PFKFB3: variants seen among roughly 807,000 people sequenced by gnomAD.
PFKFB3 encodes the protein 6-phosphofructo-2-kinase/fructose-2,6-biphosphatase 3.
PFKFB3 carries 33 observed loss-of-function variants against 68.0 expected under a neutral mutation model. The observed-to-expected ratio is 0.49, with a 90% confidence interval of 0.37 to 0.65. The LOEUF is 0.65. Among genes scored for constraint, PFKFB3 ranks in the 30% least tolerant of loss-of-function variants. The pLI is 0.00. For missense variants in PFKFB3, 586 were observed against 712.2 expected (o/e 0.82, Z 2.02); for synonymous variants, 315 against 288.2 (o/e 1.09, Z -0.94).
intron 1 of PFKFB3, among the ~76,000 whole-genome samples, chr10:6,203,585 C>T (rs958237399): frequency 6.6e-6 from 1 of 151,710 alleles, no homozygotes; most frequent in Non-Finnish European, 1.5e-5. Context: ...TACCCCGAGA[C>T]GGAGGGACGC....
the PFKFB3 span, among the ~76,000 whole-genome samples, chr10:6,303,540 C>T: frequency 3.9e-5 from 6 of 152,028 alleles, no homozygotes; most frequent in Admixed American, 2.0e-4. Context: ...CAATGCCGGG[C>T]ACGGTGGCTC....
At chr10:6,160,471 A>G (rs1841936966) in intron 1 of PFKFB3, among the ~76,000 whole-genome samples, 1 of 152,142 alleles carries the variant, frequency 6.6e-6, no homozygotes, top group Non-Finnish European at 1.5e-5. Flanking sequence ...TAATCCCAGC[A>G]CTTTGGGAGG....
intron 14 of PFKFB3, among the ~76,000 whole-genome samples, chr10:6,227,025 G>A (rs1845407802): frequency 6.6e-6 from 1 of 152,032 alleles, no homozygotes; most frequent in Admixed American, 6.5e-5. Context: ...GGCGGAGGTT[G>A]CAGTGAGCCG....
At chr10:6,184,925 TGCCACAGGTATTGAAA>T (rs1231772722) in intron 1 of PFKFB3, among the ~76,000 whole-genome samples, 3 of 152,080 alleles carry the variant, frequency 2.0e-5, no homozygotes, top group African/African-American at 7.2e-5. Flanking sequence ...GGCTCTTACG[TGCCACAGGTATTGAAA>T]GCCACTGATC....
chr10:6,213,426 C>T (rs926721619), intron 1 of PFKFB3, among the ~76,000 whole-genome samples, 197 bp from the exon 2 acceptor site: 24 of 152,068 alleles, frequency 1.6e-4, no homozygotes, highest in East Asian at 3.9e-4. Context: ...AGGCTAAGGC[C>T]GGAGGATTGT....
chr10:6,255,679 C>T (rs536382484), downstream of PFKFB3, among the ~76,000 whole-genome samples: 12 of 152,206 alleles, frequency 7.9e-5, no homozygotes, highest in Non-Finnish European at 4.4e-5. Flanking sequence ...CCAGGGTTGT[C>T]GGCTGTGTGA....
rs1846374818 is a variant in PFKFB3, at chr10:6,251,245, AAAAGTCCCTGCATCTCCCTTAGTC to A, written c.1516-2932_1516-2909del. 2.6e-5 allele frequency among the ~76,000 whole-genome samples: 4 copies of A among 152,206 alleles called. No homozygotes were observed. The South Asian group carries it at 8.3e-4, about 32-fold the overall frequency. ...ATCTTTTTATCTCATTGAATCTTCA[AAAAGTCCCTGCATCTCCCTTAGTC>A]TGTGGCAAAACCAGCCACCCACCTG... is the stretch of plus-strand genomic sequence containing the variant. On this transcript the variant is annotated intron_variant, in intron 14 of 14. Transcript: ENST00000640683.
intron 1 of PFKFB3, chr10:6,164,065 A>C (rs1418488251): frequency 6.6e-6 from 1 of 152,340 alleles, no homozygotes; most frequent in Non-Finnish European, 1.5e-5. Flanking sequence ...TGCAGGCCGC[A>C]GATGAGGAAA....
intron 13 of PFKFB3, chr10:6,225,276 C>T: frequency 2.2e-6 from 1 of 449,630 alleles, no homozygotes; most frequent in East Asian, 7.1e-5. Flanking sequence ...GGAAGCTTGG[C>T]CTTCGGATTT....
chr10:6,273,679 T>C, the PFKFB3 span, among the ~76,000 whole-genome samples: 1 of 152,164 alleles, frequency 6.6e-6, no homozygotes, highest in East Asian at 1.9e-4. Flanking sequence ...GGCCATCAAG[T>C]TAAAATGAGG....
chr10:6,182,817 G>A (rs1842755874), intron 1 of PFKFB3, among the ~76,000 whole-genome samples: 1 of 152,236 alleles, frequency 6.6e-6, no homozygotes, highest in Non-Finnish European at 1.5e-5. Flanking sequence ...GCAGTCCAGT[G>A]TCCATGGCCA....
chr10:6,314,596 C>T, the PFKFB3 span, among the ~76,000 whole-genome samples: 1 of 152,224 alleles, frequency 6.6e-6, no homozygotes, highest in Admixed American at 6.5e-5. Flanking sequence ...TTCAACCCCC[C>T]ACTCTATTAT....
the PFKFB3 span, among the ~76,000 whole-genome samples, chr10:6,263,533 C>T: frequency 6.6e-6 from 1 of 152,238 alleles, no homozygotes; most frequent in African/African-American, 2.4e-5. Context: ...CTACTTCGCT[C>T]CTCCTGAATT....
the PFKFB3 span, among the ~76,000 whole-genome samples, chr10:6,278,072 C>A: frequency 6.6e-6 from 1 of 152,078 alleles, no homozygotes; most frequent in African/African-American, 2.4e-5. Context: ...CATGTACCAC[C>A]ACACCCACCT....
At position 6,245,476 on chromosome 10, in the gene PFKFB3, G is replaced by C. The variant is rs556879039; in HGVS notation, c.1516-8702G>C. ...CTGTCGCCCAGGCTGGAGTGCAGTG[G>C]TGCGATCAGGGCTCACTGCAGTCTC... On this transcript the variant is annotated intron_variant, in intron 14 of 14. Transcript: ENST00000640683. 2.6e-5 allele frequency among the ~76,000 whole-genome samples: 4 copies of C among 151,958 alleles called. No individual in the cohort carries two copies. The East Asian group carries it at 7.7e-4, about 29-fold the overall frequency.
chr10:6,225,985 A>G (rs1845321379), intron 13 of PFKFB3, among the ~76,000 whole-genome samples: 1 of 152,206 alleles, frequency 6.6e-6, no homozygotes. Flanking sequence ...GGAAGGGGGC[A>G]TGGGAGGGAA....
intron 1 of PFKFB3, among the ~76,000 whole-genome samples, chr10:6,181,952 C>G (rs1414356552): frequency 6.6e-6 from 1 of 151,898 alleles, no homozygotes; most frequent in Non-Finnish European, 1.5e-5. Context: ...GACACAGTTT[C>G]CATTGGAGAA....
At chr10:6,318,533 G>A in the PFKFB3 span, among the ~76,000 whole-genome samples, 5 of 152,180 alleles carry the variant, frequency 3.3e-5, no homozygotes, top group Non-Finnish European at 7.4e-5. Flanking sequence ...CTGCACGCCC[G>A]AGGCTGGCCC....
downstream of PFKFB3, among the ~76,000 whole-genome samples, chr10:6,236,064 G>T (rs538121733): frequency 6.6e-6 from 1 of 152,246 alleles, no homozygotes; most frequent in African/African-American, 2.4e-5. Context: ...ACTGTGCCTG[G>T]CCCCACGTCG....
Sources: gnomAD v4.1 joint callset for allele counts (sites outside exome capture counted in the v4.1 genomes callset) on GRCh38, gnomAD v4.1.1 for gene constraint, MANE v1.5 for transcripts, NCBI Gene and HGNC (gene_info 2026-07-23, HGNC 2026-07-21) for gene names.